Variants in DYNC1I2 observed in about 807,000 individuals in gnomAD.
The protein encoded by DYNC1I2 is dynein cytoplasmic 1 intermediate chain 2, also known as cytoplasmic dynein 1 intermediate chain 2.
A neutral mutation model predicts 88.6 loss-of-function variants in DYNC1I2; 53 were observed. The ratio of observed to expected loss-of-function variants is 0.60; its 90% CI spans 0.48 to 0.75. DYNC1I2 has a LOEUF of 0.75. DYNC1I2 is among the 30% of genes least tolerant of loss of function. The pLI, the probability that DYNC1I2 is intolerant of heterozygous loss-of-function variation, is 0.00. For missense variants in DYNC1I2, 458 were observed against 766.6 expected (o/e 0.60, Z 4.75); for synonymous variants, 198 against 254.6 (o/e 0.78, Z 2.12).
chr2:171,738,191 G>T (rs1689146950), intron 15 of DYNC1I2, among the ~76,000 whole-genome samples: 1 of 151,936 alleles, frequency 6.6e-6, no homozygotes, highest in Non-Finnish European at 1.5e-5. Context: ...AATTAGCTGG[G>T]CATGGTGGCA....
chr2:171,728,281 G>A (rs751465276), intron 12 of DYNC1I2, 24 bp from the exon 13 acceptor site: 2 of 1,430,308 alleles, frequency 1.4e-6, no homozygotes, highest in South Asian at 2.8e-5. Flanking sequence ...AATAATCCCT[G>A]AAAACTTTTT....
intron 7 of DYNC1I2, among the ~76,000 whole-genome samples, chr2:171,716,142 T>A (rs888597806): frequency 6.6e-6 from 1 of 152,114 alleles, no homozygotes; most frequent in African/African-American, 2.4e-5. Context: ...AGATCCCTAA[T>A]ACACTTCACA....
chr2:171,707,899 T>C (rs1686802790), intron 5 of DYNC1I2, among the ~76,000 whole-genome samples: 1 of 152,208 alleles, frequency 6.6e-6, no homozygotes. Context: ...GAATGTTTAC[T>C]GTCAAGCATT....
At chr2:171,697,520 T>G (rs1685865458) in intron 3 of DYNC1I2, among the ~76,000 whole-genome samples, 1 of 152,090 alleles carries the variant, frequency 6.6e-6, no homozygotes, top group Admixed American at 6.6e-5. Context: ...AATTTTGATC[T>G]AATTCGAACT....
chr2:171,715,560 T>C, intron 7 of DYNC1I2, 117 bp downstream of exon 7: 1 of 656,700 alleles, frequency 1.5e-6, no homozygotes, highest in Non-Finnish European at 2.5e-6. Flanking sequence ...TTTGGCATGT[T>C]TTCTTAGGGA....
At position 171,712,819 on chromosome 2, in the gene DYNC1I2, G is replaced by A. The variant is rs539416808; in HGVS notation, c.388G>A (p.Asp130Asn). The change falls in exon 6 of 18, where the codon GAT becomes AAT. Residue 130 changes from aspartate to asparagine, a missense_variant. This residue lies in a region of DYNC1I2 where 203 missense variants were observed against 354.2 expected (regional missense o/e 0.57). Coordinates refer to ENST00000397119, the MANE Select transcript of DYNC1I2 (RefSeq NM_001378.3). ...AGTTCTTCAGCTTCACTCAGATTCCGATTTGGGGTATTGAATAGATTTTTT... is the reference window on the plus strand; with the variant it reads ...AGTTCTTCAGCTTCACTCAGATTCCAATTTGGGGTATTGAATAGATTTTTT... Reference protein sequence around the residue: ...PSVLQLHSDSDLGRGPIKLGM... With the variant: ...PSVLQLHSDSNLGRGPIKLGM... 1.9e-5 allele frequency: 31 copies of A among 1,612,750 alleles called. No individual in the cohort carries two copies. The highest frequency in any genetic ancestry group is 1.6e-4 in the Middle Eastern group (1 of 6,080).
chr2:171,692,111 A>G (rs1324236841), intron 2 of DYNC1I2, among the ~76,000 whole-genome samples: 1 of 152,206 alleles, frequency 6.6e-6, no homozygotes, highest in East Asian at 1.9e-4. Flanking sequence ...TTTCCTTGGA[A>G]AGCTTACATT....
chr2:171,725,135 T>G (rs969903697), intron 7 of DYNC1I2, among the ~76,000 whole-genome samples: 4 of 152,194 alleles, frequency 2.6e-5, no homozygotes, highest in Admixed American at 1.3e-4. Flanking sequence ...CATTAGACAC[T>G]GATGGTTTCA....
intron 15 of DYNC1I2, among the ~76,000 whole-genome samples, chr2:171,731,387 G>C (rs1045219417): frequency 2.6e-5 from 4 of 152,190 alleles, no homozygotes; most frequent in Non-Finnish European, 5.9e-5. Context: ...TTTTGGATTA[G>C]AGATGTATAA....
chr2:171,717,304 A>G (rs312915), intron 7 of DYNC1I2, among the ~76,000 whole-genome samples: 123,536 of 151,672 alleles, frequency 0.81, 51,444 homozygotes, highest in East Asian at 0.91. Context: ...TAGTAGAGAT[A>G]GGGTTTCACC....
At chr2:171,733,851 TTCA>T (rs973059001) in intron 15 of DYNC1I2, among the ~76,000 whole-genome samples, 11 of 152,114 alleles carry the variant, frequency 7.2e-5, no homozygotes, top group Non-Finnish European at 1.6e-4. Context: ...TTTGGGCCTC[TTCA>T]TCATGAAATT....
chr2:171,734,180 AGTTT>A (rs1688845551), intron 15 of DYNC1I2, among the ~76,000 whole-genome samples: 1 of 151,808 alleles, frequency 6.6e-6, no homozygotes. Context: ...ATCTATTTCT[AGTTT>A]GTTTTTTACT....
intron 15 of DYNC1I2, among the ~76,000 whole-genome samples, chr2:171,735,974 TCA>T (rs1688976974): frequency 6.6e-6 from 1 of 152,200 alleles, no homozygotes; most frequent in African/African-American, 2.4e-5. Context: ...GGGGGAGTTT[TCA>T]CACTTTTGTA....
At chr2:171,708,955 C>T (rs1318263241) in intron 5 of DYNC1I2, among the ~76,000 whole-genome samples, 2 of 152,122 alleles carry the variant, frequency 1.3e-5, no homozygotes, top group Admixed American at 6.5e-5. Flanking sequence ...GGCCTCCGAA[C>T]GTGCTGGGAT....
intron 7 of DYNC1I2, among the ~76,000 whole-genome samples, chr2:171,721,811 C>T (rs1011951323): frequency 6.6e-6 from 1 of 152,062 alleles, no homozygotes; most frequent in Non-Finnish European, 1.5e-5. Context: ...AATTGATAGA[C>T]AACAAACATA....
chr2:171,715,485 G>T, intron 7 of DYNC1I2, 42 bp downstream of exon 7: 1 of 1,216,728 alleles, frequency 8.2e-7, no homozygotes. Context: ...GAGCACCTAT[G>T]TTAAATACAT....
rs776097672 is a variant in DYNC1I2 at position 171,728,388 on chromosome 2, A to G, written c.1227A>G (p.Ser409=). 2.5e-6 allele frequency: 4 copies of G among 1,602,100 alleles called. No individual in the cohort carries two copies. The highest frequency in any genetic ancestry group is 3.4e-6 in the Non-Finnish European group (4 of 1,175,252). The change falls in exon 13 of 18, where the codon TCA becomes TCG. Residue 409 remains serine, a synonymous_variant. Transcript: ENST00000397119. ...TCTCTACTGATGGAAAAATTTGTTC[A>G]TGGAGTCTGGACATGCTTTCCCATC... ...ISISTDGKIC[S]WSLDMLSHPQ... is the part of the protein sequence containing the mutation.
intron 15 of DYNC1I2, among the ~76,000 whole-genome samples, chr2:171,742,373 A>G (rs1481846008): frequency 1.3e-5 from 2 of 151,964 alleles, no homozygotes; most frequent in Non-Finnish European, 2.9e-5. Flanking sequence ...GGGTTTTGCC[A>G]TGTTGCCAAG....
At chr2:171,733,171 T>C (rs560780380) in intron 15 of DYNC1I2, among the ~76,000 whole-genome samples, 2 of 152,346 alleles carry the variant, frequency 1.3e-5, no homozygotes, top group Non-Finnish European at 2.9e-5. Context: ...TAGGACATGA[T>C]CTCATTCCTT....
Sources: gnomAD v4.1 joint callset for allele counts (sites outside exome capture counted in the v4.1 genomes callset) on GRCh38, gnomAD v4.1.1 for gene constraint, gnomAD v4.1.1 regional missense constraint, MANE v1.5 for transcripts, NCBI Gene and HGNC (gene_info 2026-07-23, HGNC 2026-07-21) for gene names.